Variants in FIGN observed in about 807,000 individuals in gnomAD.
FIGN encodes the protein fidgetin, microtubule severing factor.
Under a neutral mutation model 51.3 loss-of-function variants are expected in FIGN, and 11 were observed. That is an observed-to-expected ratio of 0.21 (90% confidence interval 0.13 to 0.35). The LOEUF (loss-of-function observed/expected upper bound fraction) is 0.35. Among genes scored for constraint, FIGN ranks in the 10% least tolerant of loss-of-function variants. FIGN has a pLI of 1.00. For missense variants in FIGN, 857 were observed against 943.6 expected, an observed-to-expected ratio of 0.91 and a Z score of 1.20; for synonymous variants, 407 against 363.2, an observed-to-expected ratio of 1.12 and a Z score of -1.37.
Position 163,609,512 on chromosome 2 carries a change from G to A in FIGN, c.*40C>T. The A allele has an allele frequency of 6.5e-7, 1 of 1,538,522 alleles. No individual in the cohort carries two copies. The highest frequency in any genetic ancestry group is 8.8e-7 in the Non-Finnish European group (1 of 1,137,096). The stretch of plus-strand genomic sequence containing the variant: ...CCTATGTAGCAGGTTTTATGTGTGT[G>A]TGCCAACATTCATTACATTTTTTTT... On this transcript the variant is annotated 3_prime_UTR_variant, in exon 3 of 3. Coordinates refer to ENST00000333129, the MANE Select transcript of FIGN (RefSeq NM_018086.4).
chr2:163,661,664 T>C (rs952025314), intron 2 of FIGN, among the ~76,000 whole-genome samples: 3 of 152,168 alleles, frequency 2.0e-5, no homozygotes, highest in African/African-American at 7.2e-5. Flanking sequence ...AATTCCCATG[T>C]GTTGTGGGAG....
chr2:163,702,847 C>T (rs1487715446), intron 2 of FIGN, among the ~76,000 whole-genome samples: 2 of 152,026 alleles, frequency 1.3e-5, no homozygotes, highest in African/African-American at 2.4e-5. Context: ...AAGACAATAT[C>T]TTTCTATAAT....
chr2:163,654,699 T>A (rs759844269), intron 2 of FIGN, among the ~76,000 whole-genome samples: 1 of 152,032 alleles, frequency 6.6e-6, no homozygotes, highest in Non-Finnish European at 1.5e-5. Context: ...GATTTAAAAA[T>A]AACTAAAAGA....
At chr2:163,718,477 A>T (rs1684704265) in intron 2 of FIGN, among the ~76,000 whole-genome samples, 1 of 152,188 alleles carries the variant, frequency 6.6e-6, no homozygotes, top group South Asian at 2.1e-4. Flanking sequence ...GAACTGTCTG[A>T]TTCATCTGCT....
At chr2:163,640,441 T>C (rs1038602630) in intron 2 of FIGN, among the ~76,000 whole-genome samples, 1 of 152,196 alleles carries the variant, frequency 6.6e-6, no homozygotes, top group Non-Finnish European at 1.5e-5. Context: ...CATGAGTGTG[T>C]GTCTACACAC....
At chr2:163,626,281 C>T (rs183289880) in intron 2 of FIGN, among the ~76,000 whole-genome samples, 8 of 151,992 alleles carry the variant, frequency 5.3e-5, no homozygotes, top group Admixed American at 2.6e-4. Flanking sequence ...TTAAGAATCA[C>T]AAAAGAAAAA....
intron 2 of FIGN, among the ~76,000 whole-genome samples, chr2:163,718,078 T>C (rs1299414234): frequency 6.6e-6 from 1 of 152,054 alleles, no homozygotes; most frequent in East Asian, 1.9e-4. Flanking sequence ...GGAGAGTGTG[T>C]CAAGGATTCA....
intron 2 of FIGN, among the ~76,000 whole-genome samples, chr2:163,687,961 A>T (rs1226768399): frequency 6.6e-6 from 1 of 152,210 alleles, no homozygotes; most frequent in East Asian, 1.9e-4. Flanking sequence ...AAAGTGAGGT[A>T]TTAACTCTCA....
chr2:163,704,680 AC>A, intron 2 of FIGN, among the ~76,000 whole-genome samples: 3 of 147,096 alleles, frequency 2.0e-5, no homozygotes, highest in Non-Finnish European at 4.5e-5. Context: ...ACACACACAC[AC>A]ACACACACAG....
At chr2:163,660,879 A>T (rs79755177) in intron 2 of FIGN, among the ~76,000 whole-genome samples, 876 of 6,664 alleles carry the variant, frequency 0.13, 279 homozygotes, top group African/African-American at 0.27. Flanking sequence ...ATATATATAT[A>T]TTTTTTTTTT....
At chr2:163,711,580 A>T (rs559738183) in intron 2 of FIGN, among the ~76,000 whole-genome samples, 1 of 151,406 alleles carries the variant, frequency 6.6e-6, no homozygotes, top group East Asian at 2.0e-4. Context: ...TGTAACCTGC[A>T]GTTCCTGAAG....
At chr2:163,686,370 A>G (rs979210331) in intron 2 of FIGN, among the ~76,000 whole-genome samples, 1 of 152,180 alleles carries the variant, frequency 6.6e-6, no homozygotes, top group East Asian at 1.9e-4. Context: ...TGTACACTTA[A>G]TGTGGCGAAA....
chr2:163,690,340 A>G (rs767554391), intron 2 of FIGN, among the ~76,000 whole-genome samples: 9 of 152,198 alleles, frequency 5.9e-5, no homozygotes, highest in Non-Finnish European at 1.2e-4. Flanking sequence ...TTTAAAAATC[A>G]AATAAAGTAT....
At chr2:163,716,872 G>A (rs1559031135) in intron 2 of FIGN, among the ~76,000 whole-genome samples, 1 of 152,160 alleles carries the variant, frequency 6.6e-6, no homozygotes, top group African/African-American at 2.4e-5. Flanking sequence ...TACACATGCT[G>A]AAGAAATACA....
Position 163,609,910 on chromosome 2 carries a change from C to T in FIGN, c.1922G>A (p.Arg641Gln), listed in dbSNP as rs373009586. The change falls in exon 3 of 3, where the codon CGG (arginine) becomes CAG (glutamine). Residue 641 changes from arginine to glutamine, a missense_variant. Arg to Gln is a conservative substitution (Grantham distance 43, BLOSUM62 1). This residue lies in a region of FIGN where 799 missense variants were observed against 849.5 expected (regional missense o/e 0.94). Coordinates refer to ENST00000333129, the MANE Select transcript of FIGN (RefSeq NM_018086.4). ...SKPEEIDESLRRYFMKRLLIP... is the reference protein window; with the variant it reads ...SKPEEIDESLQRYFMKRLLIP... The stretch of plus-strand genomic sequence containing the variant: ...TAAAAGTCGTTTCATGAAGTACCTC[C>T]GAAGGGATTCATCTATTTCTTCTGG... The T allele has an allele frequency of 1.1e-5, 17 of 1,613,932 alleles. No individual in the cohort carries two copies. The highest frequency in any genetic ancestry group is 5.5e-5 in the South Asian group (5 of 91,090).
intron 2 of FIGN, among the ~76,000 whole-genome samples, chr2:163,700,565 A>G (rs1684393373): frequency 6.6e-6 from 1 of 152,162 alleles, no homozygotes; most frequent in Admixed American, 6.5e-5. Context: ...GGTTGCAGCA[A>G]TGTCATAATA....
intron 2 of FIGN, among the ~76,000 whole-genome samples, chr2:163,689,558 C>T (rs1475531652): frequency 6.6e-6 from 1 of 152,072 alleles, no homozygotes; most frequent in African/African-American, 2.4e-5. Flanking sequence ...AAATTATCAA[C>T]CTTTTATTTA....
intron 2 of FIGN, among the ~76,000 whole-genome samples, chr2:163,634,089 C>CGTGCGT (rs1553495155): frequency 6.9e-6 from 1 of 145,404 alleles, no homozygotes; most frequent in South Asian, 2.2e-4. Flanking sequence ...CGTATGTATG[C>CGTGCGT]GTGTGTGTGT....
chr2:163,669,454 A>C (rs2105332399), intron 2 of FIGN, among the ~76,000 whole-genome samples: 2 of 152,328 alleles, frequency 1.3e-5, no homozygotes, highest in Admixed American at 1.3e-4. Context: ...GAAACCAATA[A>C]ATAAGAATGC....
Sources: allele counts gnomAD v4.1 joint callset (sites outside exome capture counted in the v4.1 genomes callset), GRCh38; gene constraint gnomAD v4.1.1; regional missense constraint gnomAD v4.1.1; transcripts MANE v1.5; gene names NCBI Gene and HGNC (gene_info 2026-07-23, HGNC 2026-07-21).